Variants in TMEM63C observed in about 807,000 individuals in gnomAD.
TMEM63C encodes the protein osmosensitive cation channel TMEM63C.
TMEM63C carries 32 observed loss-of-function variants against 99.2 expected under a neutral mutation model. That is an observed-to-expected ratio of 0.32 (90% confidence interval 0.24 to 0.43). The LOEUF (loss-of-function observed/expected upper bound fraction) is 0.43, where lower values mean the gene tolerates loss of function less well. Among genes scored for constraint, TMEM63C ranks in the 20% least tolerant of loss-of-function variants. TMEM63C has a pLI of 1.00. For synonymous variants in TMEM63C, 376 were observed against 397.9 expected, an observed-to-expected ratio of 0.94 and a Z score of 0.66; for missense variants, 826 against 1,053.0, an observed-to-expected ratio of 0.78 and a Z score of 2.98.
intron 1 of TMEM63C, among the ~76,000 whole-genome samples, chr14:77,200,628 C>G (rs1274464477): frequency 1.3e-5 from 2 of 152,252 alleles, no homozygotes; most frequent in Non-Finnish European, 2.9e-5. Context: ...AACCTGGCCC[C>G]CATCCTGGCT....
At chr14:77,233,370 C>A in intron 7 of TMEM63C, 82 bp from the exon 8 acceptor site, 1 of 1,421,536 alleles carries the variant, frequency 7.0e-7, no homozygotes, top group South Asian at 1.2e-5. Context: ...AGACCCCACG[C>A]ATTTGTCCAG....
At chr14:77,247,851 C>T (rs1428663871) in intron 18 of TMEM63C, among the ~76,000 whole-genome samples, 1 of 152,222 alleles carries the variant, frequency 6.6e-6, no homozygotes, top group African/African-American at 2.4e-5. Context: ...GTGATCTGCT[C>T]ACCTCGGCCT....
At chr14:77,236,442 T>G (rs377519916) in intron 8 of TMEM63C, among the ~76,000 whole-genome samples, 182 bp from the exon 9 acceptor site, 19 of 35,192 alleles carry the variant, frequency 5.4e-4, no homozygotes, top group Non-Finnish European at 5.9e-4. Context: ...TGGGTGGGGG[T>G]GGGGGATACT....
chr14:77,237,317 C>T (rs1253211678), intron 9 of TMEM63C, among the ~76,000 whole-genome samples: 1 of 152,126 alleles, frequency 6.6e-6, no homozygotes, highest in African/African-American at 2.4e-5. Flanking sequence ...TCTGCAGTCT[C>T]TCGGAGATCA....
intron 20 of TMEM63C, 57 bp from the exon 21 acceptor site, chr14:77,249,234 C>A (rs1027360725): frequency 6.4e-7 from 1 of 1,572,706 alleles, no homozygotes; most frequent in Non-Finnish European, 8.7e-7. Context: ...GACACTGGAG[C>A]CACAAAGGTC....
At chr14:77,209,649 T>C (rs1011998508) in intron 1 of TMEM63C, among the ~76,000 whole-genome samples, 13 of 152,134 alleles carry the variant, frequency 8.5e-5, no homozygotes, top group Non-Finnish European at 1.9e-4. Flanking sequence ...CAGACAGGGC[T>C]GGTAATCTGA....
chr14:77,207,889 G>C (rs1292677676), intron 1 of TMEM63C, among the ~76,000 whole-genome samples: 2 of 152,130 alleles, frequency 1.3e-5, no homozygotes, highest in Non-Finnish European at 2.9e-5. Flanking sequence ...CTTCTGTCTT[G>C]AGCCTAGCAG....
intron 23 of TMEM63C, among the ~76,000 whole-genome samples, chr14:77,254,119 G>A (rs1030937944): frequency 3.9e-5 from 6 of 152,216 alleles, no homozygotes; most frequent in Non-Finnish European, 7.3e-5. Flanking sequence ...ATGGGCATAC[G>A]GGGTGCCAGG....
intron 1 of TMEM63C, among the ~76,000 whole-genome samples, chr14:77,205,103 A>AT (rs1016971196): frequency 3.9e-5 from 6 of 152,340 alleles, no homozygotes; most frequent in Non-Finnish European, 8.8e-5. Flanking sequence ...TGGGACTGGC[A>AT]TATGCAAAGG....
chr14:77,215,376 G>C (rs1006317849), intron 2 of TMEM63C, among the ~76,000 whole-genome samples: 3 of 151,902 alleles, frequency 2.0e-5, no homozygotes, highest in African/African-American at 7.3e-5. Flanking sequence ...CGAGGTGGGT[G>C]GGTCACCTGA....
chr14:77,240,716 A>G (rs1889153888), intron 13 of TMEM63C, 108 bp downstream of exon 13: 2 of 1,392,818 alleles, frequency 1.4e-6, no homozygotes, highest in Non-Finnish European at 9.7e-7. Flanking sequence ...TGGGCCCTCC[A>G]TGCTCGTCAC....
At chr14:77,222,864 T>G (rs936047395) in intron 5 of TMEM63C, among the ~76,000 whole-genome samples, 26 of 152,364 alleles carry the variant, frequency 1.7e-4, no homozygotes, top group African/African-American at 5.8e-4. Flanking sequence ...TAACCCTGTC[T>G]GTAACGATCC....
At chr14:77,245,044 A>T (rs571263219) in intron 16 of TMEM63C, among the ~76,000 whole-genome samples, 1 of 152,328 alleles carries the variant, frequency 6.6e-6, no homozygotes, top group South Asian at 2.1e-4. Flanking sequence ...ATGCATCTCA[A>T]AAGTTATTTT....
chr14:77,238,759 G>A lies in TMEM63C; in HGVS notation c.717G>A (p.Lys239=), dbSNP rs752038780. The change falls in exon 10 of 24, where the codon AAG becomes AAA. Residue 239 remains lysine (K), a synonymous_variant. Coordinates refer to ENST00000298351, the MANE Select transcript of TMEM63C (RefSeq NM_020431.4). ...TTGAAGACCCAGAACTCATCATTAA[G>A]CATTTTCAGTAAGTGGGTTGGGGTA... ...KDIEDPELII[K]HFHEAYPGSV... is the part of the protein sequence containing the mutation. 3.1e-6 allele frequency: 5 copies of A among 1,613,758 alleles called. No individual in the cohort carries two copies. Among genetic ancestry groups the A allele is most frequent in the South Asian group, 1.1e-5 (1 of 91,080 alleles).
At chr14:77,253,823 C>A (rs889645080) in intron 23 of TMEM63C, among the ~76,000 whole-genome samples, 1 of 152,196 alleles carries the variant, frequency 6.6e-6, no homozygotes, top group African/African-American at 2.4e-5. Flanking sequence ...AATGAGCGAG[C>A]CTGTCTGCGT....
intron 18 of TMEM63C, among the ~76,000 whole-genome samples, chr14:77,247,857 G>T (rs888809799): frequency 6.6e-6 from 1 of 152,098 alleles, no homozygotes; most frequent in Non-Finnish European, 1.5e-5. Flanking sequence ...TGCTCACCTC[G>T]GCCTCCCAAA....
chr14:77,217,963 G>T (rs998785479), intron 2 of TMEM63C, among the ~76,000 whole-genome samples: 2 of 152,178 alleles, frequency 1.3e-5, no homozygotes, highest in Non-Finnish European at 2.9e-5. Flanking sequence ...GTGGTGGGGA[G>T]TGGGGATGCT....
At chr14:77,255,644 A>G (rs1889448103) in intron 23 of TMEM63C, among the ~76,000 whole-genome samples, 1 of 152,252 alleles carries the variant, frequency 6.6e-6, no homozygotes, top group Admixed American at 6.5e-5. Context: ...AGAACACATT[A>G]CAGGTAGTGC....
intron 15 of TMEM63C, 26 bp downstream of exon 15, chr14:77,243,082 T>G (rs1889208232): frequency 6.2e-7 from 1 of 1,611,756 alleles, no homozygotes; most frequent in African/African-American, 1.3e-5. Context: ...AGGCCAGGCC[T>G]GGGGACCCCA....
Sources: allele counts gnomAD v4.1 joint callset (sites outside exome capture counted in the v4.1 genomes callset), GRCh38; gene constraint gnomAD v4.1.1; transcripts MANE v1.5; gene names NCBI Gene and HGNC (gene_info 2026-07-23, HGNC 2026-07-21).